The following TBC1D5 variants were observed in gnomAD, a reference collection of about 807,000 sequenced individuals.
The protein encoded by TBC1D5 is TBC1 domain family, member 5.
Under a neutral mutation model 100.3 loss-of-function variants are expected in TBC1D5, and 75 were observed. The ratio of observed to expected loss-of-function variants is 0.75; its 90% CI spans 0.62 to 0.91. The LOEUF (loss-of-function observed/expected upper bound fraction) is 0.91. TBC1D5 is among the 40% of genes least tolerant of loss of function. The pLI, the probability that TBC1D5 is intolerant of heterozygous loss-of-function variation, is 0.00. For missense variants in TBC1D5, 910 were observed against 942.4 expected (o/e 0.97, Z 0.45); for synonymous variants, 323 against 325.6 (o/e 0.99, Z 0.09).
chr3:17,335,327 A>G (rs1047001811), intron 13 of TBC1D5, among the ~76,000 whole-genome samples: 2 of 152,148 alleles, frequency 1.3e-5, no homozygotes, highest in African/African-American at 4.8e-5. Flanking sequence ...GCAGATCACA[A>G]TATGTATATT....
intron 15 of TBC1D5, among the ~76,000 whole-genome samples, chr3:17,286,375 T>C (rs1437845585): frequency 1.3e-5 from 2 of 152,234 alleles, no homozygotes; most frequent in African/African-American, 4.8e-5. Context: ...GACTTTTGTT[T>C]CTAATTGGGT....
At chr3:17,504,883 T>A (rs1237395938) in intron 3 of TBC1D5, among the ~76,000 whole-genome samples, 1 of 152,234 alleles carries the variant, frequency 6.6e-6, no homozygotes, top group Non-Finnish European at 1.5e-5. Context: ...ATCATCTTAT[T>A]ATATCGACAT....
chr3:17,229,737 CCTG>C (rs1559453522), intron 17 of TBC1D5, among the ~76,000 whole-genome samples: 5 of 152,098 alleles, frequency 3.3e-5, no homozygotes, highest in African/African-American at 1.2e-4. Flanking sequence ...AGTGATGGAG[CCTG>C]AATTCAAACC....
At chr3:17,612,815 C>A (rs995806809) in intron 2 of TBC1D5, among the ~76,000 whole-genome samples, 29 of 143,774 alleles carry the variant, frequency 2.0e-4, no homozygotes, top group African/African-American at 6.9e-4. Context: ...AAAATGAACA[C>A]GAAAAAAAAA....
intron 2 of TBC1D5, among the ~76,000 whole-genome samples, chr3:17,553,448 T>C (rs550078995): frequency 4.6e-5 from 7 of 152,286 alleles, no homozygotes; most frequent in African/African-American, 1.7e-4. Flanking sequence ...ATTTGTACTA[T>C]TTAACAAAAC....
chr3:17,599,045 T>C (rs1032085262), intron 2 of TBC1D5, among the ~76,000 whole-genome samples: 3 of 152,134 alleles, frequency 2.0e-5, no homozygotes, highest in African/African-American at 4.8e-5. Flanking sequence ...TGGTAGTACA[T>C]AGAGAAATAA....
chr3:17,584,637 G>A (rs910224060), intron 2 of TBC1D5, among the ~76,000 whole-genome samples: 2 of 152,018 alleles, frequency 1.3e-5, no homozygotes, highest in Non-Finnish European at 2.9e-5. Context: ...CTGTATGACA[G>A]GATTCAAAAT....
At chr3:17,597,576 T>C (rs1210918445) in intron 2 of TBC1D5, among the ~76,000 whole-genome samples, 1 of 152,214 alleles carries the variant, frequency 6.6e-6, no homozygotes, top group Non-Finnish European at 1.5e-5. Context: ...TTTCTTCAAC[T>C]TTATAAACTT....
chr3:17,314,692 T>C (rs955448932), intron 13 of TBC1D5, among the ~76,000 whole-genome samples: 3 of 152,210 alleles, frequency 2.0e-5, no homozygotes, highest in Non-Finnish European at 2.9e-5. Flanking sequence ...GTGATCTGCA[T>C]GTACAAGTTT....
rs952533660 is a variant in TBC1D5, at chr3:17,262,487, T to G, written c.1246-3896A>C. On this transcript the variant is annotated intron_variant, in intron 15 of 21. Coordinates refer to ENST00000253692, the Ensembl canonical transcript of TBC1D5. ...GCATTTCCAAAACAATGTTTTTTTT[T>G]TTTTTTTTTTTTGAGACAGGGTCTT... 9.3e-5 allele frequency among the ~76,000 whole-genome samples: 14 copies of G among 150,084 alleles called. 1 individual carries two copies. The highest frequency in any genetic ancestry group is 3.4e-4 in the African/African-American group (14 of 40,604).
At chr3:17,179,613 C>T (rs1022450467) in intron 19 of TBC1D5, among the ~76,000 whole-genome samples, 17 of 152,160 alleles carry the variant, frequency 1.1e-4, no homozygotes, top group African/African-American at 4.1e-4. Flanking sequence ...TAGCTGGAAG[C>T]GTCACTCACC....
At chr3:17,463,943 C>CGTTTTT in intron 3 of TBC1D5, among the ~76,000 whole-genome samples, 2 of 87,512 alleles carry the variant, frequency 2.3e-5, no homozygotes, top group South Asian at 8.7e-4. Context: ...TTCCTTATTC[C>CGTTTTT]TTTTTTTTTT....
intron 13 of TBC1D5, among the ~76,000 whole-genome samples, chr3:17,328,147 A>G (rs1411395486): frequency 2.0e-5 from 3 of 152,018 alleles, no homozygotes; most frequent in Non-Finnish European, 4.4e-5. Flanking sequence ...GTACACACCT[A>G]TAGTCCCAGC....
intron 17 of TBC1D5, among the ~76,000 whole-genome samples, chr3:17,232,930 C>T (rs2733502): frequency 0.39 from 59,918 of 151,872 alleles, 12,551 homozygotes; most frequent in Middle Eastern, 0.49. Flanking sequence ...ATAGAAGATT[C>T]TTAAAGTTAC....
chr3:17,378,725 A>G (rs2152123729), intron 9 of TBC1D5, among the ~76,000 whole-genome samples: 1 of 151,392 alleles, frequency 6.6e-6, no homozygotes, highest in African/African-American at 2.4e-5. Flanking sequence ...TCATGCCTAT[A>G]AAGACCTTCC....
chr3:17,220,945 T>C (rs2074213675), intron 17 of TBC1D5, among the ~76,000 whole-genome samples: 1 of 152,284 alleles, frequency 6.6e-6, no homozygotes, highest in African/African-American at 2.4e-5. Context: ...TCTTCAAAGT[T>C]TGGATTATTG....
At chr3:17,161,009 C>T (rs1271601163) in exon 22 of TBC1D5, 1 of 1,614,224 alleles carries the variant, frequency 6.2e-7, no homozygotes. Flanking sequence ...GTCCTTGCTG[C>T]TGTCGTCATC....
chr3:17,365,343 G>A (rs2092040323), intron 13 of TBC1D5, among the ~76,000 whole-genome samples: 1 of 152,012 alleles, frequency 6.6e-6, no homozygotes, highest in African/African-American at 2.4e-5. Context: ...TTCCTTCTTG[G>A]CCTTTGACTA....
intron 1 of TBC1D5, chr3:17,702,490 G>A (rs756118951): frequency 3.3e-5 from 5 of 151,796 alleles, no homozygotes; most frequent in South Asian, 2.1e-4. Flanking sequence ...CATAGTGAAC[G>A]GCATTAAAAA....
Sources: allele counts gnomAD v4.1 joint callset (sites outside exome capture counted in the v4.1 genomes callset), GRCh38; gene constraint gnomAD v4.1.1; transcripts MANE v1.5; gene names NCBI Gene and HGNC (gene_info 2026-07-23, HGNC 2026-07-21).